The following EFCAB14 variants were observed in gnomAD, a reference collection of about 807,000 sequenced individuals.
The protein encoded by EFCAB14 is EF-hand calcium-binding domain-containing protein 14.
A neutral mutation model predicts 56.5 loss-of-function variants in EFCAB14; 43 were observed. The ratio of observed to expected loss-of-function variants is 0.76; its 90% confidence interval spans 0.60 to 0.98. The LOEUF (loss-of-function observed/expected upper bound fraction) is 0.98, where lower values mean the gene tolerates loss of function less well. Ranked by LOEUF, EFCAB14 falls within the 50% of genes least tolerant of loss-of-function variation. EFCAB14 has a pLI of 0.00. For missense variants in EFCAB14, 538 were observed against 580.3 expected, an observed-to-expected ratio of 0.93 and a Z score of 0.75; for synonymous variants, 235 against 212.9, an observed-to-expected ratio of 1.10 and a Z score of -0.90.
At chr1:46,696,419 T>C (rs1677078220) in intron 4 of EFCAB14, 132 bp downstream of exon 4, 2 of 852,222 alleles carry the variant, frequency 2.3e-6, no homozygotes, top group Admixed American at 2.3e-5. Context: ...ACTCCATTAC[T>C]GCCCTCTTGG....
At chr1:46,693,759 T>G (rs1223594439) in intron 4 of EFCAB14, among the ~76,000 whole-genome samples, 1 of 152,152 alleles carries the variant, frequency 6.6e-6, no homozygotes, top group East Asian at 1.9e-4. Flanking sequence ...AGCAAAACTC[T>G]GAAACTAGTA....
chr1:46,680,497 A>G (rs1676775265), intron 10 of EFCAB14, among the ~76,000 whole-genome samples: 1 of 152,216 alleles, frequency 6.6e-6, no homozygotes. Flanking sequence ...GTATGATTCC[A>G]TTTATGTGAA....
At position 46,706,688 on chromosome 1, in the gene EFCAB14, C is replaced by CA. The variant is rs1457356692; in HGVS notation, c.480+1217dup. On this transcript the variant is annotated intron_variant, in intron 3 of 10. Coordinates refer to ENST00000371933, the MANE Select transcript of EFCAB14 (RefSeq NM_014774.3). ...AGGCCAATTTCTCCCATCCTTTTTG[C>CA]AAAAAAGGGGTGAATACCTGCTTTT... Among the ~76,000 whole-genome samples, 4 of 151,250 alleles carry CA rather than the reference C, an allele frequency of 2.6e-5. No individual in the cohort carries two copies. The East Asian group carries it at 7.7e-4, about 29-fold the overall frequency.
intron 2 of EFCAB14, among the ~76,000 whole-genome samples, chr1:46,716,063 C>G (rs139343692): frequency 1.3e-5 from 2 of 151,724 alleles, no homozygotes; most frequent in African/African-American, 4.8e-5. Context: ...GCCTGGCCAA[C>G]ATGGTGAAAC....
intron 3 of EFCAB14, among the ~76,000 whole-genome samples, chr1:46,700,316 A>C (rs1037842989): frequency 4.6e-5 from 7 of 152,240 alleles, no homozygotes; most frequent in Admixed American, 1.3e-4. Context: ...TAATAGTGAA[A>C]TTAATAAGCA....
In EFCAB14 at chr1:46,691,837, T is replaced by A; in HGVS notation, c.680A>T (p.Gln227Leu). 1 of 1,612,966 alleles carries A rather than the reference T, an allele frequency of 6.2e-7. No individual in the cohort carries two copies. The highest frequency in any genetic ancestry group is 1.1e-5 in the South Asian group (1 of 90,972). The change falls in exon 5 of 11, where the codon CAG becomes CTG. Residue 227 changes from glutamine (Q) to leucine (L), a missense_variant. By Grantham distance (113) the Gln-to-Leu change is moderately radical. Transcript: ENST00000371933. Reference protein sequence around the residue: ...DEHKKTMELLQSDMNQHFLKE... With the variant: ...DEHKKTMELLLSDMNQHFLKE... ...GCTGGGTCTCCTTACCATATCACTCTGCAGTAATTCCATCGTTTTCTTGTG... is the reference window on the plus strand; with the variant it reads ...GCTGGGTCTCCTTACCATATCACTCAGCAGTAATTCCATCGTTTTCTTGTG...
At chr1:46,705,382 T>C (rs934733888) in intron 3 of EFCAB14, among the ~76,000 whole-genome samples, 2 of 152,258 alleles carry the variant, frequency 1.3e-5, no homozygotes, top group East Asian at 3.8e-4. Flanking sequence ...AGAAGCAAAC[T>C]TTCCTATTTA....
intron 3 of EFCAB14, among the ~76,000 whole-genome samples, chr1:46,698,311 T>C (rs1677105501): frequency 6.6e-6 from 1 of 152,140 alleles, no homozygotes; most frequent in African/African-American, 2.4e-5. Flanking sequence ...AGATGAATTT[T>C]CAGCCACTCA....
At chr1:46,716,205 C>T (rs539441134) in intron 2 of EFCAB14, 90 bp downstream of exon 2, 26 of 1,373,860 alleles carry the variant, frequency 1.9e-5, no homozygotes, top group African/African-American at 1.6e-4. Flanking sequence ...GCCGAGATTG[C>T]GCCACTGTAC....
chr1:46,696,843 C>G (rs976331140), intron 3 of EFCAB14, among the ~76,000 whole-genome samples, 194 bp from the exon 4 acceptor site: 2 of 152,136 alleles, frequency 1.3e-5, no homozygotes, highest in Non-Finnish European at 1.5e-5. Context: ...CAATAATACC[C>G]CTTCTTTCCC....
intron 1 of EFCAB14, 99 bp downstream of exon 1, chr1:46,717,804 T>C (rs1677420854): frequency 7.4e-7 from 1 of 1,359,918 alleles, no homozygotes; most frequent in African/African-American, 1.5e-5. Context: ...CTACACCCTT[T>C]TTTCTTCCTA....
chr1:46,698,971 A>G (rs895316802), intron 3 of EFCAB14, among the ~76,000 whole-genome samples: 10 of 151,752 alleles, frequency 6.6e-5, no homozygotes, highest in African/African-American at 1.7e-4. Flanking sequence ...ATGGTGGTTT[A>G]GACTTGAGTG....
At chr1:46,713,177 G>A (rs922330536) in intron 2 of EFCAB14, among the ~76,000 whole-genome samples, 1 of 152,110 alleles carries the variant, frequency 6.6e-6, no homozygotes, top group Middle Eastern at 3.2e-3. Flanking sequence ...TTAGCCTATG[G>A]ACTGACTACA....
chr1:46,680,171 G>C (rs1676769685), intron 10 of EFCAB14, among the ~76,000 whole-genome samples: 1 of 152,102 alleles, frequency 6.6e-6, no homozygotes, highest in African/African-American at 2.4e-5. Context: ...CAAAAAGTTA[G>C]GGCTATCATA....
rs527830138 is a variant in EFCAB14, at chr1:46,675,892, G to C, written c.*2569C>G. The C allele has an allele frequency of 1.3e-5, 2 of 152,338 alleles. No individual in the cohort carries two copies. Among genetic ancestry groups the C allele is most frequent in the South Asian group, 4.1e-4 (2 of 4,826 alleles). The allele number at this position is 152,338 out of a possible 1,614,324, so 9.4% of individuals were successfully genotyped here. A position where few individuals can be genotyped will look rare whatever the true frequency, so the allele number is the denominator to read the frequency against. ...AACAAGGACCAAGAAGCAGTGCTTT[G>C]AGTAACTTAGGAAAGCAGCAGTAGG... is the stretch of plus-strand genomic sequence containing the variant. On this transcript the variant is annotated 3_prime_UTR_variant, in exon 11 of 11. Transcript: ENST00000371933.
chr1:46,705,097 T>C (rs1429385796), intron 3 of EFCAB14, among the ~76,000 whole-genome samples: 4 of 152,232 alleles, frequency 2.6e-5, no homozygotes. Context: ...CCTACTTTGG[T>C]TTAGGACAGA....
intron 4 of EFCAB14, among the ~76,000 whole-genome samples, chr1:46,692,281 T>C (rs1677005059): frequency 6.6e-6 from 1 of 152,256 alleles, no homozygotes; most frequent in African/African-American, 2.4e-5. Context: ...TCATCCATGT[T>C]GAGGCTACTT....
rs369972080 is a variant in EFCAB14, at chr1:46,716,410, A to G, written c.219T>C (p.Tyr73=). ...CAAGGATGACAAAACCACAGAGCGG[A>G]TAACAGATCTTGCAGCATCGTAAAT... ...GDYLRCCKIC[Y]PLCGFVILAA... Residue 73 remains tyrosine, a synonymous_variant, in exon 2 of 11, where the codon TAT becomes TAC. Transcript: ENST00000371933. 9 of 1,614,100 alleles carry G rather than the reference A, an allele frequency of 5.6e-6. No individual in the cohort carries two copies. In the African/African-American group the frequency reaches 8.0e-5, roughly 14 times the overall value.
rs185718920 is a variant in EFCAB14, at chr1:46,675,585, G to C, written c.*2876C>G. 6 of 152,628 alleles carry C rather than the reference G, an allele frequency of 3.9e-5. No homozygotes were observed. Among genetic ancestry groups the C allele is most frequent in the African/African-American group, 7.2e-5 (3 of 41,452 alleles). The allele number at this position is 152,628 out of a possible 1,614,324, so 9.5% of individuals were successfully genotyped here. A position where few individuals can be genotyped will look rare whatever the true frequency, so the allele number is the denominator to read the frequency against. ...CTGTGACCGGCAGGACCAGCAAGGG[G>C]GGGTGTTGAAGGGGTTATGAACAGC... On this transcript the variant is annotated 3_prime_UTR_variant, in exon 11 of 11. Transcript: ENST00000371933.
Sources: allele counts gnomAD v4.1 joint callset (sites outside exome capture counted in the v4.1 genomes callset), GRCh38; gene constraint gnomAD v4.1.1; transcripts MANE v1.5; gene names NCBI Gene and HGNC (gene_info 2026-07-23, HGNC 2026-07-21).